Variants in PDS5B observed in about 807,000 individuals in gnomAD.
PDS5B encodes the protein sister chromatid cohesion protein PDS5 homolog B.
Under a neutral mutation model 184.1 loss-of-function variants are expected in PDS5B, and 51 were observed. That is an observed-to-expected ratio of 0.28 (90% CI 0.22 to 0.35). PDS5B has a LOEUF of 0.35. Ranked by LOEUF, PDS5B falls within the 10% of genes least tolerant of loss-of-function variation. PDS5B has a pLI of 1.00. For synonymous variants in PDS5B, 566 were observed against 569.2 expected, an observed-to-expected ratio of 0.99 and a Z score of 0.08; for missense variants, 1,180 against 1,723.3, an observed-to-expected ratio of 0.68 and a Z score of 5.58.
At chr13:32,633,044 C>T (rs2058482346) in intron 1 of PDS5B, among the ~76,000 whole-genome samples, 1 of 152,194 alleles carries the variant, frequency 6.6e-6, no homozygotes, top group Non-Finnish European at 1.5e-5. Context: ...CCTGAAAATA[C>T]ACTCAGTGAA....
intron 22 of PDS5B, among the ~76,000 whole-genome samples, chr13:32,741,983 A>C (rs1482055124): frequency 6.6e-6 from 1 of 152,166 alleles, no homozygotes; most frequent in African/African-American, 2.4e-5. Flanking sequence ...GTTGGTAGGC[A>C]TACTTACCAA....
At chr13:32,692,109 G>A (rs1951566405) in intron 13 of PDS5B, among the ~76,000 whole-genome samples, 1 of 152,044 alleles carries the variant, frequency 6.6e-6, no homozygotes, top group African/African-American at 2.4e-5. Flanking sequence ...TGTCAGGCAT[G>A]TTCCTGGTAA....
At chr13:32,640,046 C>T (rs1240830222) in intron 1 of PDS5B, among the ~76,000 whole-genome samples, 7 of 152,114 alleles carry the variant, frequency 4.6e-5, no homozygotes, top group African/African-American at 1.4e-4. Context: ...CTTTTCTATT[C>T]AGTGAAAATA....
intron 1 of PDS5B, among the ~76,000 whole-genome samples, chr13:32,615,577 A>G (rs1364127137): frequency 1.3e-5 from 2 of 152,168 alleles, no homozygotes; most frequent in Non-Finnish European, 2.9e-5. Context: ...CGTTTTTATA[A>G]TGAGTGAAGA....
At chr13:32,591,273 C>A (rs574586687) in intron 1 of PDS5B, among the ~76,000 whole-genome samples, 1 of 152,000 alleles carries the variant, frequency 6.6e-6, no homozygotes, top group African/African-American at 2.4e-5. Flanking sequence ...GGACTACAGG[C>A]GTGTGCCACC....
At chr13:32,626,591 A>G (rs1477326283) in intron 1 of PDS5B, among the ~76,000 whole-genome samples, 2 of 150,976 alleles carry the variant, frequency 1.3e-5, no homozygotes, top group Non-Finnish European at 1.5e-5. Context: ...CTCATTTTTG[A>G]CATGTTTTCA....
chr13:32,742,551 A>ATGT, intron 22 of PDS5B, 40 bp from the exon 23 acceptor site: 1 of 1,533,560 alleles, frequency 6.5e-7, no homozygotes, highest in Non-Finnish European at 8.8e-7. Flanking sequence ...TTCTTTCAAA[A>ATGT]TGTACCAGTG....
At chr13:32,735,447 G>A in intron 21 of PDS5B, 117 bp downstream of exon 21, 1 of 664,614 alleles carries the variant, frequency 1.5e-6, no homozygotes, top group Admixed American at 3.4e-5. Context: ...CTTGATTTTA[G>A]GTTTTCCTGT....
chr13:32,750,945 G>A (rs1204894768), intron 24 of PDS5B, among the ~76,000 whole-genome samples: 2 of 151,532 alleles, frequency 1.3e-5, no homozygotes, highest in African/African-American at 4.9e-5. Flanking sequence ...TAAATTGTTT[G>A]TCACAGAAGT....
At chr13:32,625,695 G>A (rs368161650) in intron 1 of PDS5B, among the ~76,000 whole-genome samples, 26 of 151,826 alleles carry the variant, frequency 1.7e-4, no homozygotes, top group African/African-American at 5.6e-4. Flanking sequence ...TCAGAATGAA[G>A]TACACACAAG....
chr13:32,769,683 G>T (rs1954711858), intron 31 of PDS5B, among the ~76,000 whole-genome samples: 1 of 152,048 alleles, frequency 6.6e-6, no homozygotes, highest in East Asian at 1.9e-4. Flanking sequence ...TTATGATGTT[G>T]TAAGCATGTC....
At chr13:32,654,386 A>G (rs984487838) in intron 3 of PDS5B, among the ~76,000 whole-genome samples, 4 of 152,218 alleles carry the variant, frequency 2.6e-5, no homozygotes, top group African/African-American at 9.6e-5. Flanking sequence ...TGGTGAGGTT[A>G]TAAGTGACTG....
At chr13:32,635,361 T>TA (rs1555292475) in intron 1 of PDS5B, among the ~76,000 whole-genome samples, 1 of 135,258 alleles carries the variant, frequency 7.4e-6, no homozygotes, top group Non-Finnish European at 1.6e-5. Flanking sequence ...TTTTTTTTTT[T>TA]AAAGACGGAG....
intron 1 of PDS5B, among the ~76,000 whole-genome samples, chr13:32,604,534 C>CT (rs941559909): frequency 2.6e-5 from 4 of 152,060 alleles, no homozygotes; most frequent in South Asian, 2.1e-4. Flanking sequence ...CTAAAATTCT[C>CT]TTTTTTTGTT....
intron 13 of PDS5B, among the ~76,000 whole-genome samples, chr13:32,693,866 T>C (rs1246836122): frequency 6.6e-6 from 1 of 151,676 alleles, no homozygotes; most frequent in Non-Finnish European, 1.5e-5. Flanking sequence ...AGATTTGTCT[T>C]AAGAAAAAGT....
intron 25 of PDS5B, among the ~76,000 whole-genome samples, 192 bp from the exon 26 acceptor site, chr13:32,755,650 A>G (rs1056383291): frequency 1.3e-5 from 2 of 152,122 alleles, no homozygotes; most frequent in African/African-American, 2.4e-5. Context: ...ACTGTTTATC[A>G]TGTACCTCAA....
At chr13:32,752,746 A>G (rs1413051590) in intron 24 of PDS5B, among the ~76,000 whole-genome samples, 1 of 152,128 alleles carries the variant, frequency 6.6e-6, no homozygotes, top group Non-Finnish European at 1.5e-5. Flanking sequence ...ACGGGTAATA[A>G]TCAGCCTGGT....
intron 3 of PDS5B, among the ~76,000 whole-genome samples, chr13:32,656,659 C>G (rs1488387827): frequency 6.7e-6 from 1 of 148,910 alleles, no homozygotes; most frequent in East Asian, 2.0e-4. Flanking sequence ...TGCAGTAGCA[C>G]AATCTTGGCT....
chr13:32,687,430 T>G, intron 12 of PDS5B, 145 bp downstream of exon 12: 3 of 576,090 alleles, frequency 5.2e-6, no homozygotes, highest in Non-Finnish European at 5.9e-6. Context: ...ACTGGGCTCA[T>G]TCCCACCCAA....
Sources: allele counts gnomAD v4.1 joint callset (sites outside exome capture counted in the v4.1 genomes callset), GRCh38; gene constraint gnomAD v4.1.1; transcripts MANE v1.5; gene names NCBI Gene and HGNC (gene_info 2026-07-23, HGNC 2026-07-21).